CYLC1: variants seen among roughly 807,000 people sequenced by gnomAD.
CYLC1 encodes the protein cylicin 1, also known as cylicin-1.
A neutral mutation model predicts 31.6 loss-of-function variants in CYLC1; 2 were observed. The ratio of observed to expected loss-of-function variants is 0.06; its 90% CI spans 0.03 to 0.20. CYLC1 has a LOEUF of 0.20. CYLC1 is among the 10% of genes least tolerant of loss of function. The pLI is 1.00. For missense variants in CYLC1, 595 were observed against 424.1 expected, an observed-to-expected ratio of 1.40 and a Z score of -3.54; for synonymous variants, 185 against 153.0, an observed-to-expected ratio of 1.21 and a Z score of -1.54.
intron 4 of CYLC1, 101 bp downstream of exon 4, chrX:83,874,732 AC>A (rs1569334746): frequency 1.1e-6 from 1 of 906,390 alleles, no homozygotes; most frequent in African/African-American, 2.0e-5. Flanking sequence ...GTTATCTTTT[AC>A]TAGAATATTG....
At chrX:83,878,561 T>C (rs1481431488) in intron 4 of CYLC1, among the ~76,000 whole-genome samples, 1 of 87,299 alleles carries the variant, frequency 1.1e-5, no homozygotes, top group East Asian at 3.5e-4. Flanking sequence ...TATTTTAATA[T>C]ATGTCCACAG....
rs755735482 is a variant in CYLC1 at position 83,873,168 on chromosome X, A to G, written c.460A>G (p.Arg154Gly). The G allele has an allele frequency of 3.3e-6, 4 of 1,203,304 alleles. No individual in the cohort carries two copies. The African/African-American group carries it at 5.3e-5, about 16-fold the overall frequency. The change falls in exon 4 of 5, where the codon AGA becomes GGA. Residue 154 changes from arginine to glycine, a missense_variant. Arg to Gly is a moderately radical substitution (Grantham distance 125). Transcript: ENST00000329312. ...GCAAATAGTAGAAGAGAAAACTAAAAGACAAAATGAGGCAGATAAAACTCC... is the reference window on the plus strand; with the variant it reads ...GCAAATAGTAGAAGAGAAAACTAAAGGACAAAATGAGGCAGATAAAACTCC... The part of the protein sequence containing the change: ...SKQIVEEKTK[R>G]QNEADKTPLK...
chrX:83,877,979 AATATAAATATATATATTTGT>A (rs1474565316), intron 4 of CYLC1, among the ~76,000 whole-genome samples: 2 of 71,590 alleles, frequency 2.8e-5, no homozygotes, highest in South Asian at 7.3e-4. Flanking sequence ...TTTGTATATA[AATATAAATATATATATTTGT>A]ATATAAATAT....
At chrX:83,880,075 G>C (rs1346453157) in intron 4 of CYLC1, among the ~76,000 whole-genome samples, 4 of 111,502 alleles carry the variant, frequency 3.6e-5, no homozygotes, top group African/African-American at 1.3e-4. Context: ...TGGGTTATTT[G>C]TATGTTTCTT....
intron 4 of CYLC1, among the ~76,000 whole-genome samples, chrX:83,885,053 C>T (rs1173651399): frequency 9.0e-6 from 1 of 110,825 alleles, no homozygotes; most frequent in African/African-American, 3.3e-5. Flanking sequence ...ATGGTTTAAT[C>T]GAGGCCTCTA....
At position 83,886,593 on chromosome X, in the gene CYLC1, T is replaced by C; in HGVS notation, c.*9T>C. ...TTCATAAGCTGCTTTAAAGAACAAC[T>C]GAGCACTTGGTTTCACAGAATGGCC... is the stretch of plus-strand genomic sequence containing the variant. On this transcript the variant is annotated 3_prime_UTR_variant, in exon 5 of 5. Coordinates refer to ENST00000329312, the MANE Select transcript of CYLC1 (RefSeq NM_021118.3). 9 of 1,202,822 alleles carry C rather than the reference T, an allele frequency of 7.5e-6. No individual in the cohort carries two copies. The highest frequency in any genetic ancestry group is 1.0e-5 in the Non-Finnish European group (9 of 887,857).
At chrX:83,862,659 G>T (rs1443567819) in intron 1 of CYLC1, among the ~76,000 whole-genome samples, 1 of 112,629 alleles carries the variant, frequency 8.9e-6, no homozygotes, top group Non-Finnish European at 1.9e-5. Context: ...TTTCTAATTT[G>T]ATTCTGCCTA....
intron 4 of CYLC1, among the ~76,000 whole-genome samples, chrX:83,882,972 C>T (rs768805422): frequency 9.0e-6 from 1 of 110,584 alleles, no homozygotes; most frequent in South Asian, 3.8e-4. Flanking sequence ...ACCTAACCTA[C>T]CCATTATAAC....
intron 4 of CYLC1, among the ~76,000 whole-genome samples, chrX:83,885,104 G>C (rs1285596851): frequency 9.0e-6 from 1 of 111,073 alleles, no homozygotes; most frequent in Admixed American, 9.6e-5. Flanking sequence ...AATTTTAAAT[G>C]TTTGAATTTG....
At chrX:83,868,453 G>A (rs765949893) in intron 1 of CYLC1, among the ~76,000 whole-genome samples, 2 of 110,622 alleles carry the variant, frequency 1.8e-5, no homozygotes, top group South Asian at 7.5e-4. Context: ...TTTATGCCCA[G>A]TTTAATAAAT....
chrX:83,881,424 A>G (rs2031905145), intron 4 of CYLC1, among the ~76,000 whole-genome samples: 1 of 109,869 alleles, frequency 9.1e-6, no homozygotes, highest in African/African-American at 3.3e-5. Flanking sequence ...AGTGGGATGA[A>G]TTTGTCATTT....
intron 1 of CYLC1, among the ~76,000 whole-genome samples, chrX:83,861,869 G>A (rs893419718): frequency 9.0e-6 from 1 of 110,842 alleles, no homozygotes; most frequent in African/African-American, 3.3e-5. Context: ...TGAACTATAT[G>A]AGATTGCTTA....
At chrX:83,875,192 A>G (rs971667432) in intron 4 of CYLC1, among the ~76,000 whole-genome samples, 2 of 111,148 alleles carry the variant, frequency 1.8e-5, no homozygotes, top group Non-Finnish European at 3.8e-5. Flanking sequence ...CTTTTCAGAA[A>G]TAACTATATC....
Position 83,872,988 on chromosome X carries a change from G to T in CYLC1, c.280G>T (p.Ala94Ser). ...GCAATGGCCACCCATTTACACAGCTGCCAGGGAACAGACTCCATTCAGACA... is the reference window on the plus strand; with the variant it reads ...GCAATGGCCACCCATTTACACAGCTTCCAGGGAACAGACTCCATTCAGACA... ...ILQWPPIYTA[A>S]REQTPFRHLY... Residue 94 changes from alanine to serine, a missense_variant, in exon 4 of 5, where the codon GCC (alanine) becomes TCC (serine). Ala to Ser is a moderately conservative substitution (Grantham distance 99). Transcript: ENST00000329312. 2 of 1,206,060 alleles carry T rather than the reference G, an allele frequency of 1.7e-6. No homozygotes were observed. The highest frequency in any genetic ancestry group is 2.2e-6 in the Non-Finnish European group (2 of 892,788).
rs990316569 is a variant in CYLC1, at chrX:83,873,631, A to G, written c.923A>G (p.Lys308Arg). 1.1e-5 allele frequency: 13 copies of G among 1,193,178 alleles called. No individual in the cohort carries two copies. The African/African-American group carries it at 2.3e-4, about 21-fold the overall frequency. Residue 308 changes from lysine to arginine, a missense_variant, in exon 4 of 5, where the codon AAA becomes AGA. Coordinates refer to ENST00000329312, the MANE Select transcript of CYLC1 (RefSeq NM_021118.3). Reference sequence around the variant, plus strand: ...TCTGAAGACTCAAAGGATGCTAAGAAAGATTCAAAGAAAGTTAAGAAAAAT... The same window carrying G: ...TCTGAAGACTCAAAGGATGCTAAGAGAGATTCAAAGAAAGTTAAGAAAAAT... ...AESEDSKDAK[K>R]DSKKVKKNVK...
chrX:83,876,802 C>A (rs1236523071), intron 4 of CYLC1, among the ~76,000 whole-genome samples: 1 of 110,863 alleles, frequency 9.0e-6, no homozygotes, highest in Non-Finnish European at 1.9e-5. Context: ...TTTATTGTAT[C>A]CTTCTCTGCC....
intron 4 of CYLC1, among the ~76,000 whole-genome samples, chrX:83,878,473 A>AAATATATATG: frequency 4.5e-5 from 3 of 66,028 alleles, no homozygotes; most frequent in African/African-American, 1.9e-4. Context: ...AAATATATAT[A>AAATATATATG]TAAATATATA....
chrX:83,861,210 T>C lies in CYLC1; in HGVS notation c.17+11T>C. 8.6e-7 allele frequency: 1 copy of C among 1,159,880 alleles called. No individual in the cohort carries two copies. The highest frequency in any genetic ancestry group is 1.2e-6 in the Non-Finnish European group (1 of 855,186). ...GTCTCTTCCAAGGTTGTAAGTCCTC[T>C]TTTTAATATTTTTTTAGTATTTTAA... On this transcript the variant is annotated intron_variant, in intron 1 of 4. Transcript: ENST00000329312.
rs749254849 is a variant in CYLC1 at position 83,874,644 on chromosome X, C to A, written c.1923+13C>A. The A allele has an allele frequency of 1.7e-6, 2 of 1,165,370 alleles. No individual in the cohort carries two copies. The highest frequency in any genetic ancestry group is 2.3e-6 in the Non-Finnish European group (2 of 875,156). ...ATATGCTCCTTTGGTAAGTTTACTA[C>A]TGTTTTATATTTAGGCTGAAATGGA... On this transcript the variant is annotated intron_variant, in intron 4 of 4. Coordinates refer to ENST00000329312, the MANE Select transcript of CYLC1 (RefSeq NM_021118.3).
Sources: gnomAD v4.1 joint callset for allele counts (sites outside exome capture counted in the v4.1 genomes callset) on GRCh38, gnomAD v4.1.1 for gene constraint, MANE v1.5 for transcripts, NCBI Gene and HGNC (gene_info 2026-07-23, HGNC 2026-07-21) for gene names.